PIEZO2: variants seen among roughly 807,000 people sequenced by gnomAD.
The protein encoded by PIEZO2 is piezo-type mechanosensitive ion channel component 2.
Under a neutral mutation model 337.3 loss-of-function variants are expected in PIEZO2, and 172 were observed. The observed-to-expected ratio is 0.51, with a 90% CI of 0.45 to 0.58. PIEZO2 has a LOEUF of 0.58. PIEZO2 is among the 20% of genes least tolerant of loss of function. The pLI is 0.00. For missense variants in PIEZO2, 3,028 were observed against 3,391.3 expected (o/e 0.89, Z 2.66); for synonymous variants, 1,251 against 1,228.5 (o/e 1.02, Z -0.38).
Position 11,143,073 on chromosome 18 carries a change from C to T in PIEZO2, c.64+5452G>A, listed in dbSNP as rs147057166. On this transcript the variant is annotated intron_variant, in intron 1 of 55. Transcript: ENST00000674853. This position sits in a 1 kb window ranked among gnomAD's most constrained non-coding sequence, Gnocchi z 4.9. ...CAGCCTGGGTGACAGAGCAAGACTC[C>T]GTCTCAAAAAAAAGAAAAAAGAAAA... Among the ~76,000 whole-genome samples the T allele has an allele frequency of 5.5e-4, 84 of 151,660 alleles. No individual in the cohort carries two copies. The highest frequency in any genetic ancestry group is 1.9e-3 in the African/African-American group (78 of 41,356).
At position 10,970,731 on chromosome 18, in the gene PIEZO2, G is replaced by A. The variant is rs144958597; in HGVS notation, c.286+8804C>T. 2.7e-3 allele frequency among the ~76,000 whole-genome samples: 405 copies of A among 151,448 alleles called. 3 individuals are homozygous for A. The highest frequency in any genetic ancestry group is 4.5e-3 in the Non-Finnish European group (304 of 67,888). On this transcript the variant is annotated intron_variant, in intron 3 of 55. Coordinates refer to ENST00000674853, the MANE Select transcript of PIEZO2 (RefSeq NM_001378183.1). Reference sequence around the variant, plus strand: ...CTGGGTGTGAGATATGGTGAGTCAGGAGAAAGAGGAAGGAAAGGAAGGCTT... The same window carrying A: ...CTGGGTGTGAGATATGGTGAGTCAGAAGAAAGAGGAAGGAAAGGAAGGCTT...
chr18:10,900,210 C>T (rs549845467), intron 4 of PIEZO2, among the ~76,000 whole-genome samples: 1 of 139,396 alleles, frequency 7.2e-6, no homozygotes, highest in African/African-American at 2.6e-5. Flanking sequence ...CACACACACA[C>T]AAACACCTAA....
chr18:10,803,184 T>C (rs2039885225), intron 9 of PIEZO2, among the ~76,000 whole-genome samples: 1 of 152,186 alleles, frequency 6.6e-6, no homozygotes, highest in South Asian at 2.1e-4. Context: ...CGTGCTGTCA[T>C]GTCAGGTGTT....
Position 10,707,189 on chromosome 18 carries a change from C to G in PIEZO2, c.5588+1086G>C, listed in dbSNP as rs545588862. On this transcript the variant is annotated intron_variant, in intron 40 of 55. Transcript: ENST00000674853. This position sits in a 1 kb window ranked among gnomAD's most constrained non-coding sequence, Gnocchi z 4.2. ...TCCTAGGAGGGCCATGCCATTGACCCATTGCCCAGGGAACTTGCAGACTAC... is the reference window on the plus strand; with the variant it reads ...TCCTAGGAGGGCCATGCCATTGACCGATTGCCCAGGGAACTTGCAGACTAC... Among the ~76,000 whole-genome samples the G allele has an allele frequency of 5.1e-4, 78 of 152,260 alleles. No homozygotes were observed. Among genetic ancestry groups the G allele is most frequent in the African/African-American group, 1.8e-3 (73 of 41,550 alleles).
At chr18:11,081,099 T>G (rs187345590) in intron 1 of PIEZO2, among the ~76,000 whole-genome samples, 8 of 152,342 alleles carry the variant, frequency 5.3e-5, no homozygotes, top group Admixed American at 5.2e-4. Context: ...GAAAGTTTCC[T>G]GAGTCATGAA....
Position 11,045,290 on chromosome 18 carries a change from C to T in PIEZO2, c.160+20837G>A, listed in dbSNP as rs186089553. Reference sequence around the variant, plus strand: ...CAGCCTGGGCGACAGAGTGAGACTCCGTCTCAAAAAAAAAAAAAAAAAAAA... The same window carrying T: ...CAGCCTGGGCGACAGAGTGAGACTCTGTCTCAAAAAAAAAAAAAAAAAAAA... On this transcript the variant is annotated intron_variant, in intron 2 of 55. Coordinates refer to ENST00000674853, the MANE Select transcript of PIEZO2 (RefSeq NM_001378183.1). Among the ~76,000 whole-genome samples, 376 of 81,056 alleles carry T rather than the reference C, an allele frequency of 4.6e-3. 4 individuals carry two copies. The highest frequency in any genetic ancestry group is 0.02 in the African/African-American group (356 of 17,686). The allele number at this position is 81,056 out of a possible 152,430, so 53.2% of individuals were successfully genotyped here.
chr18:10,778,565 C>T (rs1243303351), intron 18 of PIEZO2, among the ~76,000 whole-genome samples: 1 of 152,108 alleles, frequency 6.6e-6, no homozygotes, highest in Non-Finnish European at 1.5e-5. Context: ...ATCTCCTGAC[C>T]TCATGATCCA....
intron 3 of PIEZO2, among the ~76,000 whole-genome samples, chr18:10,977,422 A>G (rs145583370): frequency 1.0e-3 from 153 of 152,222 alleles, no homozygotes; most frequent in African/African-American, 3.5e-3. Flanking sequence ...TTATCTGGAT[A>G]ACACCTTTAG....
At chr18:11,082,440 C>T (rs1048734355) in intron 1 of PIEZO2, among the ~76,000 whole-genome samples, 1 of 151,872 alleles carries the variant, frequency 6.6e-6, no homozygotes, top group South Asian at 2.1e-4. Flanking sequence ...GCCTCAGCCT[C>T]CAGAGTAGCT....
chr18:10,929,175 T>C lies in PIEZO2; in HGVS notation c.287-17947A>G, dbSNP rs2031938448. The stretch of plus-strand genomic sequence containing the variant: ...ACAGCTGCAATATGAATTAGAGCCA[T>C]AGAAAACACTCTTGTTTATGTGATG... On this transcript the variant is annotated intron_variant, in intron 3 of 55. Transcript: ENST00000674853. This position sits in a 1 kb window ranked among gnomAD's most constrained non-coding sequence, Gnocchi z 5.6. Among the ~76,000 whole-genome samples the C allele has an allele frequency of 6.6e-6, 1 of 152,130 alleles. No individual in the cohort carries two copies. The highest frequency in any genetic ancestry group is 1.5e-5 in the Non-Finnish European group (1 of 68,022).
At chr18:10,697,127 T>G (rs1283713641) in intron 45 of PIEZO2, among the ~76,000 whole-genome samples, 1 of 152,208 alleles carries the variant, frequency 6.6e-6, no homozygotes, top group Non-Finnish European at 1.5e-5. Flanking sequence ...TGCCTTAGTG[T>G]GGTGTCCTGT....
Position 10,682,118 on chromosome 18 carries a change from G to T in PIEZO2, c.7672C>A (p.Leu2558Met). Reference sequence around the variant, plus strand: ...ACAGAGATCACCTGATACCCTCCCAGGGTAATTGTGACGGAGACGTCCAGG... The same window carrying T: ...ACAGAGATCACCTGATACCCTCCCATGGTAATTGTGACGGAGACGTCCAGG... ...QPLDVSVTIT[L>M]GGYQPIFTMS... Residue 2558 changes from leucine to methionine, a missense_variant, in exon 50 of 56, where the codon CTG becomes ATG. Leu to Met is a conservative substitution (Grantham distance 15). Coordinates refer to ENST00000674853, the MANE Select transcript of PIEZO2 (RefSeq NM_001378183.1). This position sits in a 1 kb window ranked among gnomAD's most constrained non-coding sequence, Gnocchi z 5.6. 7 of 1,536,610 alleles carry T rather than the reference G, an allele frequency of 4.6e-6. No individual in the cohort carries two copies. Among genetic ancestry groups the T allele is most frequent in the Non-Finnish European group, 6.1e-6 (7 of 1,146,606 alleles).
intron 29 of PIEZO2, among the ~76,000 whole-genome samples, chr18:10,749,813 C>T (rs910908053): frequency 6.6e-5 from 10 of 152,114 alleles, no homozygotes; most frequent in African/African-American, 2.4e-4. Context: ...TCAAAAAGTC[C>T]GGGGAGTTAC....
intron 2 of PIEZO2, among the ~76,000 whole-genome samples, chr18:11,053,489 C>T (rs1268149468): frequency 6.6e-6 from 1 of 152,190 alleles, no homozygotes; most frequent in South Asian, 2.1e-4. Context: ...GGTTTCGCAA[C>T]ATTGCCTAGA....
intron 49 of PIEZO2, among the ~76,000 whole-genome samples, chr18:10,689,353 C>T (rs1214048530): frequency 6.6e-6 from 1 of 152,166 alleles, no homozygotes; most frequent in Non-Finnish European, 1.5e-5. Context: ...CATCACATTC[C>T]TTTCTGCTCC....
At chr18:11,090,424 T>A (rs762353128) in intron 1 of PIEZO2, among the ~76,000 whole-genome samples, 5 of 152,196 alleles carry the variant, frequency 3.3e-5, no homozygotes, top group Non-Finnish European at 5.9e-5. Flanking sequence ...GGCCACTCAA[T>A]GCAGGATGCA....
At chr18:10,890,612 T>C (rs922066816) in intron 4 of PIEZO2, 7 of 152,236 alleles carry the variant, frequency 4.6e-5, no homozygotes, top group Admixed American at 2.0e-4. Context: ...TAGAAAACCA[T>C]CAGATCTCAT....
intron 3 of PIEZO2, among the ~76,000 whole-genome samples, chr18:10,965,249 C>T (rs76221772): frequency 0.028 from 4,281 of 152,300 alleles, 80 homozygotes; most frequent in Middle Eastern, 0.071. Context: ...TCATTCCCAC[C>T]AGCAGAGAGC....
chr18:10,761,416 A>C (rs1286185576), intron 23 of PIEZO2, among the ~76,000 whole-genome samples: 1 of 152,196 alleles, frequency 6.6e-6, no homozygotes, highest in African/African-American at 2.4e-5. Context: ...TTATCCAAGG[A>C]GGGCAGTTCA....
Sources: gnomAD v4.1 joint callset for allele counts (sites outside exome capture counted in the v4.1 genomes callset) on GRCh38, gnomAD v4.1.1 for gene constraint, Gnocchi (gnomAD v3.1) non-coding constraint, MANE v1.5 for transcripts, NCBI Gene and HGNC (gene_info 2026-07-23, HGNC 2026-07-21) for gene names.